The following BCL2L1 variants were observed in gnomAD, a reference collection of about 807,000 sequenced individuals.
BCL2L1 encodes BCL2 like 1, also known as bcl-2-like protein 1.
Under a neutral mutation model 18.7 loss-of-function variants are expected in BCL2L1, and 1 was observed. The observed-to-expected ratio is 0.05, with a 90% confidence interval of 0.02 to 0.25. BCL2L1 has a LOEUF of 0.25. BCL2L1 is among the 10% of genes least tolerant of loss of function. The pLI is 1.00. For missense variants in BCL2L1, 207 were observed against 304.9 expected (o/e 0.68, Z 2.39); for synonymous variants, 103 against 122.7 (o/e 0.84, Z 1.06).
At chr20:31,708,792 A>G (rs2061408842) in intron 2 of BCL2L1, among the ~76,000 whole-genome samples, 1 of 152,200 alleles carries the variant, frequency 6.6e-6, no homozygotes, top group African/African-American at 2.4e-5. Flanking sequence ...TTGCTCCACC[A>G]GGGCAGCAAG....
chr20:31,668,335 T>C (rs921071920), intron 2 of BCL2L1, among the ~76,000 whole-genome samples: 1 of 152,070 alleles, frequency 6.6e-6, no homozygotes, highest in South Asian at 2.1e-4. Context: ...TTTTTTTTTT[T>C]TTGAGACACA....
chr20:31,717,145 T>G (rs932983233), intron 2 of BCL2L1, among the ~76,000 whole-genome samples: 1 of 152,214 alleles, frequency 6.6e-6, no homozygotes, highest in South Asian at 2.1e-4. Context: ...ATTACCCCTA[T>G]GTCTATCCAC....
intron 2 of BCL2L1, among the ~76,000 whole-genome samples, chr20:31,667,762 T>C (rs529842344): frequency 6.6e-6 from 1 of 152,188 alleles, no homozygotes; most frequent in South Asian, 2.1e-4. Flanking sequence ...CTGGAAGCCC[T>C]CCAGCAGCAT....
rs888009359 is a variant in BCL2L1 at position 31,666,813 on chromosome 20, G to A, written c.565-727C>T. Among the ~76,000 whole-genome samples, 4 of 152,104 alleles carry A rather than the reference G, an allele frequency of 2.6e-5. No individual in the cohort carries two copies. In the East Asian group the frequency reaches 7.8e-4, roughly 30 times the overall value. On this transcript the variant is annotated intron_variant, in intron 2 of 2. Transcript: ENST00000307677. ...GGACATCCTCCACTGCAGGGGGTGTGACTCTGGGCCCAGGAGGTTGTGATC... is the reference window on the plus strand; with the variant it reads ...GGACATCCTCCACTGCAGGGGGTGTAACTCTGGGCCCAGGAGGTTGTGATC...
intron 2 of BCL2L1, among the ~76,000 whole-genome samples, chr20:31,703,979 G>C (rs1212634217): frequency 6.6e-6 from 1 of 151,204 alleles, no homozygotes; most frequent in Non-Finnish European, 1.5e-5. Flanking sequence ...TGTAATTTTA[G>C]TAGAGACGGG....
chr20:31,709,840 C>CAAAAAAAAAAAAAAAAA (rs56937786), intron 2 of BCL2L1, among the ~76,000 whole-genome samples: 1 of 64,070 alleles, frequency 1.6e-5, no homozygotes, highest in African/African-American at 4.2e-5. Context: ...GACTCCATCT[C>CAAAAAAAAAAAAAAAAA]AAAAAAAAAA....
chr20:31,667,631 C>A (rs1234519881), intron 2 of BCL2L1, among the ~76,000 whole-genome samples: 1 of 151,954 alleles, frequency 6.6e-6, no homozygotes, highest in Non-Finnish European at 1.5e-5. Flanking sequence ...GACAGGCATG[C>A]CATCTCCAGT....
At chr20:31,712,594 T>G (rs886429036) in intron 2 of BCL2L1, among the ~76,000 whole-genome samples, 10 of 152,144 alleles carry the variant, frequency 6.6e-5, no homozygotes, top group Middle Eastern at 3.4e-3. Context: ...CAGCAGCTGT[T>G]TGTAGGCAAG....
At chr20:31,692,241 A>ATGTGCATGTGCC (rs1308642241) in intron 2 of BCL2L1, among the ~76,000 whole-genome samples, 1 of 152,274 alleles carries the variant, frequency 6.6e-6, no homozygotes, top group Non-Finnish European at 1.5e-5. Context: ...ACTCTTGAAC[A>ATGTGCATGTGCC]TGTGCATGTG....
rs2061648475 is a variant in BCL2L1 at position 31,722,298 on chromosome 20, T to C, written c.-80A>G. The C allele has an allele frequency of 9.2e-7, 1 of 1,090,004 alleles. No homozygotes were observed. The highest frequency in any genetic ancestry group is 1.2e-6 in the Non-Finnish European group (1 of 802,352). 67.5% of individuals were successfully genotyped at this position (1,090,004 alleles called of 1,614,324 possible). Reference sequence around the variant, plus strand: ...ACTGAGTCTCGTCTCTGGTTAGTGATTCTCTTCTAAGATCCAAAGCCAAGA... The same window carrying C: ...ACTGAGTCTCGTCTCTGGTTAGTGACTCTCTTCTAAGATCCAAAGCCAAGA... On this transcript the variant is annotated 5_prime_UTR_variant, in exon 2 of 3. Transcript: ENST00000307677.
chr20:31,677,587 G>A (rs998400082), intron 2 of BCL2L1, among the ~76,000 whole-genome samples: 4 of 152,190 alleles, frequency 2.6e-5, no homozygotes, highest in Non-Finnish European at 4.4e-5. Context: ...TAAATGTCTG[G>A]TTTATTGTTC....
chr20:31,671,169 A>G (rs2060663561), intron 2 of BCL2L1, among the ~76,000 whole-genome samples: 1 of 152,046 alleles, frequency 6.6e-6, no homozygotes, highest in Non-Finnish European at 1.5e-5. Flanking sequence ...CCTCCACAGG[A>G]GAGTCATGGA....
intron 2 of BCL2L1, among the ~76,000 whole-genome samples, chr20:31,712,638 G>A (rs776304812): frequency 3.3e-5 from 5 of 152,158 alleles, no homozygotes; most frequent in African/African-American, 7.2e-5. Context: ...GAAAGGACAC[G>A]AGGCTGGGGG....
At chr20:31,670,920 A>G (rs1222834233) in intron 2 of BCL2L1, among the ~76,000 whole-genome samples, 1 of 152,208 alleles carries the variant, frequency 6.6e-6, no homozygotes, top group African/African-American at 2.4e-5. Context: ...CTGGAAAAGC[A>G]GAGATAAGCC....
intron 2 of BCL2L1, among the ~76,000 whole-genome samples, chr20:31,696,828 G>A (rs566759415): frequency 1.3e-5 from 2 of 152,192 alleles, no homozygotes; most frequent in African/African-American, 4.8e-5. Flanking sequence ...AGCCGAGGCG[G>A]GTGGATCATC....
At chr20:31,720,467 G>A in intron 2 of BCL2L1, 1 of 900,394 alleles carries the variant, frequency 1.1e-6, no homozygotes, top group Non-Finnish European at 1.3e-6. Flanking sequence ...CGCTAGGTAG[G>A]GAGATAAGCA....
intron 2 of BCL2L1, among the ~76,000 whole-genome samples, chr20:31,710,204 C>T (rs776131415): frequency 1.3e-5 from 2 of 152,100 alleles, no homozygotes; most frequent in African/African-American, 2.4e-5. Flanking sequence ...CCGTGTACTC[C>T]GAGAGCTTAT....
At chr20:31,711,731 C>G (rs1600912260) in intron 2 of BCL2L1, among the ~76,000 whole-genome samples, 2 of 152,218 alleles carry the variant, frequency 1.3e-5, no homozygotes, top group East Asian at 3.8e-4. Flanking sequence ...CTGCCATTTA[C>G]TGTGGGACAA....
chr20:31,711,582 G>C (rs568851567), intron 2 of BCL2L1, among the ~76,000 whole-genome samples: 1 of 152,270 alleles, frequency 6.6e-6, no homozygotes, highest in South Asian at 2.1e-4. Context: ...ACATTACAAA[G>C]CATTTGTCAA....
Sources: allele counts gnomAD v4.1 joint callset (sites outside exome capture counted in the v4.1 genomes callset), GRCh38; gene constraint gnomAD v4.1.1; transcripts MANE v1.5; gene names NCBI Gene and HGNC (gene_info 2026-07-23, HGNC 2026-07-21).